Variants in NTSR2 observed in about 807,000 individuals in gnomAD.
NTSR2 encodes the protein neurotensin receptor 2.
In NTSR2, 22 loss-of-function variants were observed where a neutral mutation model predicts 24.1. That is an observed-to-expected ratio of 0.91 (90% CI 0.65 to 1.30). NTSR2 has a LOEUF of 1.30. NTSR2 is among the 50% of genes most tolerant of loss of function. NTSR2 has a pLI of 0.00. For missense variants in NTSR2, 570 were observed against 570.4 expected (o/e 1.00, Z 0.01); for synonymous variants, 291 against 267.0 (o/e 1.09, Z -0.88).
At chr2:11,662,289 C>G (rs1219912577) in intron 1 of NTSR2, 49 bp from the exon 2 acceptor site, 1 of 1,438,894 alleles carries the variant, frequency 6.9e-7, no homozygotes, top group African/African-American at 1.4e-5. Context: ...GGCCCTGCGG[C>G]CCTCGCCATC....
intron 3 of NTSR2, among the ~76,000 whole-genome samples, chr2:11,659,201 G>A (rs1023797550): frequency 2.0e-5 from 3 of 152,164 alleles, no homozygotes; most frequent in Non-Finnish European, 2.9e-5. Flanking sequence ...AGCAGCTGAC[G>A]CCCTCCACCC....
intron 3 of NTSR2, among the ~76,000 whole-genome samples, chr2:11,659,143 G>A (rs916584847): frequency 3.3e-5 from 5 of 152,070 alleles, no homozygotes; most frequent in South Asian, 2.1e-4. Context: ...ATGAGCCACC[G>A]TGCCCAGCCA....
rs750115691 is a variant in NTSR2 at position 11,669,682 on chromosome 2, G to C, written c.448C>G (p.Arg150Gly). Residue 150 changes from arginine (R) to glycine (G), a missense_variant, in exon 1 of 4, where the codon CGC becomes GGC. Transcript: ENST00000306928. Reference sequence around the variant, plus strand: ...AGCGCCACCAGCCACCGGGTCCGGCGTGGCGTCAGCAGGCTGCGGGCACGC... The same window carrying C: ...AGCGCCACCAGCCACCGGGTCCGGCCTGGCGTCAGCAGGCTGCGGGCACGC... ...PLRARSLLTP[R>G]RTRWLVALSW... 2 of 1,536,086 alleles carry C rather than the reference G, an allele frequency of 1.3e-6. No individual in the cohort carries two copies. Among genetic ancestry groups the C allele is most frequent in the Admixed American group, 1.9e-5 (1 of 51,626 alleles).
intron 1 of NTSR2, among the ~76,000 whole-genome samples, chr2:11,663,767 T>C (rs1392752751): frequency 1.3e-5 from 2 of 152,226 alleles, no homozygotes; most frequent in South Asian, 2.1e-4. Context: ...AGTGAAATGC[T>C]CATTTTCTGT....
intron 1 of NTSR2, chr2:11,665,926 G>A (rs1182227370): frequency 1.3e-5 from 2 of 154,146 alleles, no homozygotes; most frequent in Non-Finnish European, 2.9e-5. Flanking sequence ...GTCCTCAAGC[G>A]GCTCCCACTT....
intron 3 of NTSR2, among the ~76,000 whole-genome samples, chr2:11,659,659 C>T (rs143060330): frequency 3.3e-5 from 5 of 152,184 alleles, no homozygotes; most frequent in Admixed American, 6.5e-5. Context: ...CCAAGGGGAC[C>T]TTTGTTAGCT....
chr2:11,664,749 C>T (rs1003781757), intron 1 of NTSR2, among the ~76,000 whole-genome samples: 11 of 152,042 alleles, frequency 7.2e-5, no homozygotes, highest in African/African-American at 2.4e-4. Context: ...TATAGTTTTT[C>T]GTACTTTCAA....
rs1661285607 is a variant in NTSR2, at chr2:11,669,712, G to T, written c.418C>A (p.Pro140Thr). The change falls in exon 1 of 4, where the codon CCC (proline) becomes ACC (threonine). Residue 140 changes from proline (P) to threonine (T), a missense_variant. By Grantham distance (38) the Pro-to-Thr change is conservative (BLOSUM62 -1). Coordinates refer to ENST00000306928, the MANE Select transcript of NTSR2 (RefSeq NM_012344.4). ...GTCAGCAGGCTGCGGGCACGCAGGGGCTGGCACACGGCTAGGCAGCGCTCG... is the reference window on the plus strand; with the variant it reads ...GTCAGCAGGCTGCGGGCACGCAGGGTCTGGCACACGGCTAGGCAGCGCTCG... ...SAERCLAVCQ[P>T]LRARSLLTPR... 3 of 1,530,498 alleles carry T rather than the reference G, an allele frequency of 2.0e-6. No individual in the cohort carries two copies. Among genetic ancestry groups the T allele is most frequent in the Middle Eastern group, 1.8e-4 (1 of 5,694 alleles). 94.8% of individuals were successfully genotyped at this position (1,530,498 alleles called of 1,614,324 possible).
chr2:11,669,762 A>G lies in NTSR2; in HGVS notation c.368T>C (p.Val123Ala). Residue 123 changes from valine to alanine, a missense_variant, in exon 1 of 4, where the codon GTG becomes GCG. Physicochemically the swap from Val to Ala is moderately conservative, Grantham distance 64. Coordinates refer to ENST00000306928, the MANE Select transcript of NTSR2 (RefSeq NM_012344.4). The part of the protein sequence containing the change: ...FVHELCAYAT[V>A]LSVAGLSAER... ...GGCGCTCAGGCCTGCCACGCTCAGC[A>G]CCGTGGCGTAGGCGCACAGCTCGTG... is the stretch of plus-strand genomic sequence containing the variant. 2 of 1,542,150 alleles carry G rather than the reference A, an allele frequency of 1.3e-6. No individual in the cohort carries two copies. The highest frequency in any genetic ancestry group is 1.7e-6 in the Non-Finnish European group (2 of 1,150,478).
chr2:11,666,162 A>T (rs1346847537), intron 1 of NTSR2, among the ~76,000 whole-genome samples: 1 of 152,066 alleles, frequency 6.6e-6, no homozygotes, highest in Admixed American at 6.6e-5. Flanking sequence ...ACCTGGGAAG[A>T]TCTCCCAGGC....
rs1203758827 is a variant in NTSR2, at chr2:11,670,081, G to T, written c.49C>A (p.Leu17Met). Residue 17 changes from leucine (L) to methionine (M), a missense_variant, in exon 1 of 4, where the codon CTG becomes ATG. Coordinates refer to ENST00000306928, the MANE Select transcript of NTSR2 (RefSeq NM_012344.4). Reference protein sequence around the residue: ...RPPRPSSNPGLSLDARLGVDT... With the variant: ...RPPRPSSNPGMSLDARLGVDT... ...ACGCCCAGCCGGGCGTCCAGGCTCAGCCCCGGGTTGGAGCTGGGCCGCGGG... is the reference window on the plus strand; with the variant it reads ...ACGCCCAGCCGGGCGTCCAGGCTCATCCCCGGGTTGGAGCTGGGCCGCGGG... 1 of 1,445,766 alleles carries T rather than the reference G, an allele frequency of 6.9e-7. No homozygotes were observed. The highest frequency in any genetic ancestry group is 1.4e-5 in the South Asian group (1 of 69,846). 89.6% of individuals were successfully genotyped at this position (1,445,766 alleles called of 1,614,324 possible).
intron 2 of NTSR2, 33 bp downstream of exon 2, chr2:11,661,934 T>A (rs1661079262): frequency 6.7e-7 from 1 of 1,499,622 alleles, no homozygotes; most frequent in South Asian, 1.4e-5. Flanking sequence ...CTTAGGCCCC[T>A]TTCTTCTGGG....
intron 2 of NTSR2, 53 bp downstream of exon 2, chr2:11,661,914 A>G: frequency 6.8e-7 from 1 of 1,465,142 alleles, no homozygotes; most frequent in East Asian, 2.5e-5. Context: ...TGGTGGAGGC[A>G]GCCCTGGAAC....
rs1299551523 is a variant in NTSR2 at position 11,658,697 on chromosome 2, A to G, written c.1015T>C (p.Phe339Leu). Reference sequence around the variant, plus strand: ...AAAAGTGTGTTGGTCACCATGTAGAAGTAGTGGTAGAAATTGTACAGTGGG... The same window carrying G: ...AAAAGTGTGTTGGTCACCATGTAGAGGTAGTGGTAGAAATTGTACAGTGGG... ...TDPLYNFYHY[F>L]YMVTNTLFYV... is the part of the protein sequence containing the mutation. Residue 339 changes from phenylalanine to leucine, a missense_variant, in exon 4 of 4, where the codon TTC becomes CTC. Phe to Leu is a conservative substitution (Grantham distance 22). Coordinates refer to ENST00000306928, the MANE Select transcript of NTSR2 (RefSeq NM_012344.4). 1 of 1,614,142 alleles carries G rather than the reference A, an allele frequency of 6.2e-7. No homozygotes were observed. Among genetic ancestry groups the G allele is most frequent in the South Asian group, 1.1e-5 (1 of 91,076 alleles).
intron 1 of NTSR2, among the ~76,000 whole-genome samples, chr2:11,666,503 A>G (rs1162840913): frequency 6.6e-6 from 1 of 152,072 alleles, no homozygotes; most frequent in Non-Finnish European, 1.5e-5. Context: ...GATCAAGACT[A>G]TCCTGGCCAA....
At chr2:11,668,141 C>T (rs982075880) in intron 1 of NTSR2, among the ~76,000 whole-genome samples, 3 of 152,194 alleles carry the variant, frequency 2.0e-5, no homozygotes, top group Admixed American at 6.5e-5. Flanking sequence ...GGAAACAAAG[C>T]GGCTCCACTG....
At chr2:11,669,460 G>GGGGGGGGGGGGGGGCCCCCCCCCCCCCCC in intron 1 of NTSR2, 46 bp downstream of exon 1, 24 of 254,708 alleles carry the variant, frequency 9.4e-5, no homozygotes, top group Middle Eastern at 2.0e-3. Flanking sequence ...TCCCAGCACC[G>GGGGGGGGGGGGGGGCCCCCCCCCCCCCCC]CCCCCCCACC....
In NTSR2 at chr2:11,669,680, G is replaced by C. The variant is rs921995873; in HGVS notation, c.450C>G (p.Arg150=). The change falls in exon 1 of 4, where the codon CGC becomes CGG. Residue 150 remains arginine (R), a synonymous_variant. Transcript: ENST00000306928. ...PLRARSLLTP[R]RTRWLVALSW... is the part of the protein sequence containing the mutation. The stretch of plus-strand genomic sequence containing the variant: ...AGAGCGCCACCAGCCACCGGGTCCG[G>C]CGTGGCGTCAGCAGGCTGCGGGCAC... The C allele has an allele frequency of 6.5e-7, 1 of 1,536,946 alleles. No individual in the cohort carries two copies. The highest frequency in any genetic ancestry group is 8.7e-7 in the Non-Finnish European group (1 of 1,147,202).
chr2:11,662,302 G>C, intron 1 of NTSR2, 62 bp from the exon 2 acceptor site: 12 of 1,421,760 alleles, frequency 8.4e-6, no homozygotes, highest in Non-Finnish European at 1.1e-5. Context: ...TCGCCATCTG[G>C]CTGTGCCCCA....
Sources: gnomAD v4.1 joint callset for allele counts (sites outside exome capture counted in the v4.1 genomes callset) on GRCh38, gnomAD v4.1.1 for gene constraint, MANE v1.5 for transcripts, NCBI Gene and HGNC (gene_info 2026-07-23, HGNC 2026-07-21) for gene names.